The following UPP2 variants were observed in gnomAD, a reference collection of about 807,000 sequenced individuals.
UPP2 encodes uridine phosphorylase 2.
UPP2 carries 23 observed loss-of-function variants against 26.7 expected under a neutral mutation model. The observed-to-expected ratio is 0.86, with a 90% CI of 0.62 to 1.22. UPP2 has a LOEUF of 1.22. UPP2 is among the 50% of genes most tolerant of loss of function. The pLI, the probability that UPP2 is intolerant of heterozygous loss-of-function variation, is 0.00. For missense variants in UPP2, 387 were observed against 396.7 expected (o/e 0.98, Z 0.21); for synonymous variants, 127 against 141.3 (o/e 0.90, Z 0.72).
intron 3 of UPP2, among the ~76,000 whole-genome samples, chr2:158,048,458 C>G (rs1440274468): frequency 6.6e-6 from 1 of 152,086 alleles, no homozygotes; most frequent in Non-Finnish European, 1.5e-5. Flanking sequence ...AATAAAATTA[C>G]CCAGGCATGG....
rs573560485 is a variant in UPP2, at chr2:158,041,912, G to A, written c.147+26026G>A. On this transcript the variant is annotated intron_variant, in intron 3 of 9. Coordinates refer to the UPP2 transcript ENST00000605860. The stretch of plus-strand genomic sequence containing the variant: ...GATCATATTTCAAATGCCCTTGGTT[G>A]GGAGACACCATTTTAAGGCATCCTT... 1.4e-3 allele frequency among the ~76,000 whole-genome samples: 210 copies of A among 152,276 alleles called. 1 individual carries two copies. Among genetic ancestry groups the A allele is most frequent in the African/African-American group, 4.9e-3 (203 of 41,550 alleles).
In UPP2 at chr2:158,117,823, G is replaced by T; in HGVS notation, c.340-1G>T. 6.2e-7 allele frequency: 1 copy of T among 1,604,644 alleles called. No homozygotes were observed. The highest frequency in any genetic ancestry group is 8.5e-7 in the Non-Finnish European group (1 of 1,171,486). On this transcript the variant is annotated splice_acceptor_variant, in intron 3 of 6. Transcript: ENST00000005756. LOFTEE classifies it high-confidence loss of function. ...TGATGACTTTCTCTTTCTCTCAATA[G>T]CACGGCATGGGCATCCCCTCCATTT...
chr2:158,073,532 A>C (rs1333400138), intron 3 of UPP2, among the ~76,000 whole-genome samples: 1 of 152,180 alleles, frequency 6.6e-6, no homozygotes, highest in Non-Finnish European at 1.5e-5. Context: ...AGACTACCTC[A>C]AGGCATTTAA....
chr2:158,034,861 T>C (rs1683976133), intron 3 of UPP2, among the ~76,000 whole-genome samples: 1 of 152,164 alleles, frequency 6.6e-6, no homozygotes, highest in South Asian at 2.1e-4. Context: ...GAAAGGTCAC[T>C]GTCAGTCCAG....
chr2:158,131,028 A>G (rs1241830675), intron 6 of UPP2, among the ~76,000 whole-genome samples: 1 of 152,202 alleles, frequency 6.6e-6, no homozygotes, highest in Non-Finnish European at 1.5e-5. Flanking sequence ...CCTGAGATTA[A>G]TGTTTCAGCG....
intron 3 of UPP2, among the ~76,000 whole-genome samples, chr2:158,089,561 G>C (rs908224883): frequency 5.3e-5 from 8 of 152,214 alleles, no homozygotes; most frequent in African/African-American, 1.9e-4. Context: ...AGTTCAGCTG[G>C]AAGTTTCCTT....
chr2:158,097,939 C>A (rs1683013359), upstream of UPP2, among the ~76,000 whole-genome samples: 1 of 152,114 alleles, frequency 6.6e-6, no homozygotes, highest in African/African-American at 2.4e-5. Flanking sequence ...ACACTCCCGT[C>A]TATCTGCTGG....
At chr2:158,028,959 G>A (rs1683878765) in intron 3 of UPP2, among the ~76,000 whole-genome samples, 1 of 152,202 alleles carries the variant, frequency 6.6e-6, no homozygotes, top group Non-Finnish European at 1.5e-5. Context: ...GAGAAAGTGA[G>A]GAAGGCTGGC....
intron 3 of UPP2, among the ~76,000 whole-genome samples, chr2:158,045,378 G>T (rs1381228502): frequency 1.3e-5 from 2 of 152,160 alleles, no homozygotes; most frequent in African/African-American, 4.8e-5. Context: ...AAGGAGAGAG[G>T]CAGAGATGGA....
intron 3 of UPP2, among the ~76,000 whole-genome samples, chr2:158,092,280 TA>T (rs894184712): frequency 2.0e-5 from 3 of 152,120 alleles, no homozygotes; most frequent in Non-Finnish European, 4.4e-5. Context: ...AGTTATTTTC[TA>T]AAAAAGTCAC....
intron 6 of UPP2, among the ~76,000 whole-genome samples, chr2:158,131,754 G>A (rs1683824058): frequency 6.6e-6 from 1 of 152,194 alleles, no homozygotes; most frequent in Admixed American, 6.5e-5. Context: ...TGCTAGCAAA[G>A]CTGTCAGGCT....
chr2:158,063,881 A>G (rs1003421194), intron 3 of UPP2, among the ~76,000 whole-genome samples: 7 of 152,180 alleles, frequency 4.6e-5, no homozygotes, highest in Admixed American at 3.9e-4. Flanking sequence ...TTTGCTGAGA[A>G]TGATGGTTTC....
intron 1 of UPP2, 79 bp from the exon 2 acceptor site, chr2:158,106,020 G>T (rs1683185900): frequency 6.5e-6 from 7 of 1,081,770 alleles, no homozygotes; most frequent in Non-Finnish European, 9.3e-6. Context: ...CTAAAGGAAG[G>T]TTTATGTTCA....
chr2:157,999,703 C>T (rs530859042), intron 2 of UPP2, among the ~76,000 whole-genome samples: 2 of 152,288 alleles, frequency 1.3e-5, no homozygotes, highest in South Asian at 4.2e-4. Context: ...CTACTGACAT[C>T]TTGATAATCC....
At chr2:157,999,957 G>C (rs1683379610) in intron 2 of UPP2, among the ~76,000 whole-genome samples, 1 of 151,980 alleles carries the variant, frequency 6.6e-6, no homozygotes, top group Non-Finnish European at 1.5e-5. Context: ...AGGAGGGAAG[G>C]AGAGAGAGAG....
At chr2:158,003,247 T>C (rs974260549) in intron 2 of UPP2, among the ~76,000 whole-genome samples, 4 of 151,654 alleles carry the variant, frequency 2.6e-5, no homozygotes, top group Admixed American at 1.3e-4. Flanking sequence ...TTGGAGGTTG[T>C]AGGGGGTGAG....
chr2:158,082,529 C>A (rs555651621), intron 3 of UPP2, among the ~76,000 whole-genome samples: 32 of 152,188 alleles, frequency 2.1e-4, no homozygotes, highest in Admixed American at 5.2e-4. Flanking sequence ...AAACTGGACC[C>A]CTTCCTTACA....
chr2:158,026,403 G>T (rs779616521), intron 3 of UPP2, among the ~76,000 whole-genome samples: 3 of 152,122 alleles, frequency 2.0e-5, no homozygotes, highest in East Asian at 1.9e-4. Flanking sequence ...GTTGTTCTCT[G>T]ATCAGGCCAG....
intron 3 of UPP2, among the ~76,000 whole-genome samples, chr2:158,074,362 C>T (rs1682591751): frequency 6.6e-6 from 1 of 151,874 alleles, no homozygotes; most frequent in Non-Finnish European, 1.5e-5. Context: ...GCTATAACAC[C>T]TTTTCAAGAC....
Sources: gnomAD v4.1 joint callset for allele counts (sites outside exome capture counted in the v4.1 genomes callset) on GRCh38, gnomAD v4.1.1 for gene constraint, MANE v1.5 for transcripts, NCBI Gene and HGNC (gene_info 2026-07-23, HGNC 2026-07-21) for gene names.